The following UPF3B variants were observed in gnomAD, a reference collection of about 807,000 sequenced individuals.
UPF3B encodes the protein UPF3B regulator of nonsense mediated mRNA decay.
In UPF3B, 7 loss-of-function variants were observed where a neutral mutation model predicts 40.3. The ratio of observed to expected loss-of-function variants is 0.17; its 90% CI spans 0.10 to 0.33. UPF3B has a LOEUF of 0.33. Among genes scored for constraint, UPF3B ranks in the 10% least tolerant of loss-of-function variants. The pLI is 1.00. For synonymous variants in UPF3B, 117 were observed against 117.3 expected, an observed-to-expected ratio of 1.00 and a Z score of 0.01; for missense variants, 229 against 358.9, an observed-to-expected ratio of 0.64 and a Z score of 2.93.
intron 4 of UPF3B, among the ~76,000 whole-genome samples, chrX:119,815,986 A>T (rs2055862036): frequency 9.0e-6 from 1 of 111,314 alleles, no homozygotes; most frequent in East Asian, 2.8e-4. Flanking sequence ...TTCACCACGT[A>T]GGCCAGGTTC....
chrX:119,825,007 T>A (rs1390941568), intron 3 of UPF3B, among the ~76,000 whole-genome samples: 2 of 110,832 alleles, frequency 1.8e-5, no homozygotes, highest in Non-Finnish European at 3.8e-5. Flanking sequence ...CCTCAGGTGA[T>A]CCACCGGCCT....
At chrX:119,808,407 C>G (rs1208915875) in intron 5 of UPF3B, among the ~76,000 whole-genome samples, 11 of 98,327 alleles carry the variant, frequency 1.1e-4, no homozygotes, top group African/African-American at 3.7e-4. Context: ...GCGACACTTG[C>G]AGCTTAGGGG....
chrX:119,820,626 AT>A (rs370271993), intron 4 of UPF3B, among the ~76,000 whole-genome samples: 72 of 89,892 alleles, frequency 8.0e-4, no homozygotes, highest in Middle Eastern at 7.9e-3. Context: ...AGCCTGGCCA[AT>A]TTTTTTTTTT....
At chrX:119,845,911 GTTAAC>G (rs1410817860) in intron 3 of UPF3B, among the ~76,000 whole-genome samples, 4 of 99,902 alleles carry the variant, frequency 4.0e-5, no homozygotes, top group African/African-American at 1.6e-4. Flanking sequence ...TGATGAATGT[GTTAAC>G]TTGATTGTAT....
At chrX:119,837,635 A>AT in intron 10 of UPF3B, 122 bp downstream of exon 10, 9 of 679,778 alleles carry the variant, frequency 1.3e-5, no homozygotes, top group East Asian at 3.4e-5. Context: ...AAAAAAAAAA[A>AT]GTTGCAGATG....
At chrX:119,841,829 G>A (rs1171223584) in intron 5 of UPF3B, 51 bp from the exon 6 acceptor site, 2 of 1,085,306 alleles carry the variant, frequency 1.8e-6, no homozygotes, top group Non-Finnish European at 2.5e-6. Flanking sequence ...CCCTAGAAAC[G>A]ATTCCATTTT....
At chrX:119,833,607 A>G (rs1265293747), downstream of UPF3B, among the ~76,000 whole-genome samples, 1 of 112,004 alleles carries the variant, frequency 8.9e-6, no homozygotes, top group East Asian at 2.8e-4. Flanking sequence ...CCCAGGCTCA[A>G]GCAATTCTCG....
intron 4 of UPF3B, among the ~76,000 whole-genome samples, chrX:119,820,804 G>A (rs766230858): frequency 1.8e-5 from 2 of 111,180 alleles, no homozygotes; most frequent in Admixed American, 9.6e-5. Flanking sequence ...AGCTGGACAC[G>A]GTGGCTCATG....
At chrX:119,845,163 A>T (rs2056212135) in intron 4 of UPF3B, 35 bp downstream of exon 4, 1 of 1,095,183 alleles carries the variant, frequency 9.1e-7, no homozygotes, top group Admixed American at 2.2e-5. Context: ...AAAACCCCAC[A>T]GCAATAGCAT....
chrX:119,842,580 T>TCACACA (rs773370806), intron 5 of UPF3B, among the ~76,000 whole-genome samples: 1,858 of 71,415 alleles, frequency 0.026, 51 homozygotes, highest in African/African-American at 0.1. Context: ...ACTCCATCTC[T>TCACACA]CACACACACA....
At chrX:119,820,093 C>T (rs752506170) in intron 4 of UPF3B, among the ~76,000 whole-genome samples, 23 of 111,268 alleles carry the variant, frequency 2.1e-4, no homozygotes, top group African/African-American at 6.9e-4. Context: ...GAAGTGCCCG[C>T]CTTGGCCTCC....
In UPF3B at chrX:119,852,766, C is replaced by T; in HGVS notation, c.156+7G>A. 1 of 1,212,457 alleles carries T rather than the reference C, an allele frequency of 8.2e-7. No homozygotes were observed. ...GCCCTCTCCCGGGCCAGCGGCCGACCGGGCACCTTGCTCAGCGCTTCTTTC... is the reference window on the plus strand; with the variant it reads ...GCCCTCTCCCGGGCCAGCGGCCGACTGGGCACCTTGCTCAGCGCTTCTTTC... On this transcript the variant is annotated splice_region_variant and intron_variant, in intron 1 of 10. Coordinates refer to ENST00000276201, the MANE Select transcript of UPF3B (RefSeq NM_080632.3).
Position 119,843,183 on chromosome X carries a change from C to G in UPF3B, c.580+8G>C, listed in dbSNP as rs1263253924. 2.7e-6 allele frequency: 3 copies of G among 1,125,887 alleles called. No individual in the cohort carries two copies. In the Admixed American group the frequency reaches 6.5e-5, roughly 25 times the overall value. The allele number at this position is 1,125,887 out of a possible 1,213,427, so 92.8% of individuals were successfully genotyped here. A position where few individuals can be genotyped will look rare whatever the true frequency, so the allele number is the denominator to read the frequency against. On this transcript the variant is annotated splice_region_variant and intron_variant, in intron 5 of 10. Coordinates refer to ENST00000276201, the MANE Select transcript of UPF3B (RefSeq NM_080632.3). Reference sequence around the variant, plus strand: ...AGACTGTTGCCCTGATTCTTTTTGCCCACTTACCTATTAATTCTCTATTTT... The same window carrying G: ...AGACTGTTGCCCTGATTCTTTTTGCGCACTTACCTATTAATTCTCTATTTT...
intron 5 of UPF3B, among the ~76,000 whole-genome samples, chrX:119,811,725 G>A (rs1221760941): frequency 1.8e-5 from 2 of 111,248 alleles, no homozygotes; most frequent in Non-Finnish European, 3.8e-5. Flanking sequence ...GCTAAGGTGG[G>A]CGGATTGCTT....
At chrX:119,845,969 A>G (rs1444828799) in intron 3 of UPF3B, among the ~76,000 whole-genome samples, 1 of 111,227 alleles carries the variant, frequency 9.0e-6, no homozygotes, top group Non-Finnish European at 1.9e-5. Context: ...TATACATTTC[A>G]TAATGTATAT....
intron 5 of UPF3B, among the ~76,000 whole-genome samples, chrX:119,808,829 A>G (rs1479364947): frequency 8.9e-6 from 1 of 112,212 alleles, no homozygotes; most frequent in African/African-American, 3.2e-5. Context: ...CTTGGCTTCC[A>G]TTTTCACCTG....
intron 5 of UPF3B, among the ~76,000 whole-genome samples, chrX:119,842,644 C>T (rs937725621): frequency 2.2e-5 from 2 of 91,014 alleles, no homozygotes; most frequent in Non-Finnish European, 4.2e-5. Flanking sequence ...AGAGAGCGAG[C>T]GAGCAAGCAA....
At chrX:119,809,076 T>A (rs2055812161) in intron 5 of UPF3B, among the ~76,000 whole-genome samples, 1 of 111,830 alleles carries the variant, frequency 8.9e-6, no homozygotes, top group African/African-American at 3.2e-5. Context: ...TGACTCACAG[T>A]TTCGAATGGC....
chrX:119,814,340 C>T (rs1469235505), intron 5 of UPF3B, among the ~76,000 whole-genome samples: 1 of 112,043 alleles, frequency 8.9e-6, no homozygotes, highest in Non-Finnish European at 1.9e-5. Flanking sequence ...TAAAAATATT[C>T]TTCATGCCAA....
Sources: gnomAD v4.1 joint callset for allele counts (sites outside exome capture counted in the v4.1 genomes callset) on GRCh38, gnomAD v4.1.1 for gene constraint, MANE v1.5 for transcripts, NCBI Gene and HGNC (gene_info 2026-07-23, HGNC 2026-07-21) for gene names.